The following ERC2 variants were observed in gnomAD, a reference collection of about 807,000 sequenced individuals.
ERC2 encodes ERC protein 2.
In ERC2, 42 loss-of-function variants were observed where a neutral mutation model predicts 114.8. The ratio of observed to expected loss-of-function variants is 0.37; its 90% confidence interval spans 0.29 to 0.47. The LOEUF is 0.47. Among genes scored for constraint, ERC2 ranks in the 20% least tolerant of loss-of-function variants. The pLI, the probability that ERC2 is intolerant of heterozygous loss-of-function variation, is 0.99. For missense variants in ERC2, 939 were observed against 1,150.7 expected (o/e 0.82, Z 2.66); for synonymous variants, 454 against 425.5 (o/e 1.07, Z -0.82).
intron 1 of ERC2, among the ~76,000 whole-genome samples, chr3:56,443,464 G>C (rs1198865469): frequency 6.6e-6 from 1 of 152,154 alleles, no homozygotes; most frequent in Non-Finnish European, 1.5e-5. Context: ...AGCACATAGA[G>C]TGATACCAAT....
intron 12 of ERC2, among the ~76,000 whole-genome samples, chr3:55,971,809 A>T (rs2069177994): frequency 6.6e-6 from 1 of 152,144 alleles, no homozygotes; most frequent in African/African-American, 2.4e-5. Context: ...TCATAGCCAA[A>T]ATCACCCTCC....
chr3:55,992,262 C>T lies in ERC2; in HGVS notation c.2062-12G>A, dbSNP rs2071131779. 1 of 1,606,872 alleles carries T rather than the reference C, an allele frequency of 6.2e-7. No homozygotes were observed. The highest frequency in any genetic ancestry group is 8.5e-7 in the Non-Finnish European group (1 of 1,175,974). ...TCAATATTATGTGCCTTCAACATTA[C>T]ATTTTTAAAGAATGTAGTTAAGACA... On this transcript the variant is annotated splice_polypyrimidine_tract_variant and intron_variant, in intron 10 of 17. Transcript: ENST00000288221.
chr3:56,225,033 T>C (rs2050160737), intron 3 of ERC2, among the ~76,000 whole-genome samples: 1 of 152,134 alleles, frequency 6.6e-6, no homozygotes, highest in Non-Finnish European at 1.5e-5. Context: ...CCTGTCCATG[T>C]GTCCTCGGGC....
chr3:56,438,162 T>A (rs2062113083), intron 1 of ERC2, among the ~76,000 whole-genome samples: 1 of 152,146 alleles, frequency 6.6e-6, no homozygotes, highest in Non-Finnish European at 1.5e-5. Context: ...CTTATCTGAG[T>A]TCCTTTCTAA....
intron 14 of ERC2, among the ~76,000 whole-genome samples, chr3:55,826,599 T>C (rs2060335011): frequency 6.6e-6 from 1 of 152,226 alleles, no homozygotes; most frequent in South Asian, 2.1e-4. Flanking sequence ...TTTCCATTCA[T>C]TGTTTACTGT....
intron 13 of ERC2, among the ~76,000 whole-genome samples, chr3:55,897,183 T>C (rs1029374933): frequency 2.0e-5 from 3 of 152,344 alleles, no homozygotes; most frequent in African/African-American, 7.2e-5. Context: ...TAACTAAATA[T>C]TTGAAAACCA....
At chr3:56,283,761 G>A (rs1416501919) in intron 3 of ERC2, among the ~76,000 whole-genome samples, 2 of 152,144 alleles carry the variant, frequency 1.3e-5, no homozygotes, top group African/African-American at 4.8e-5. Context: ...TTTTTTTAAG[G>A]AACTCTTTGG....
intron 3 of ERC2, among the ~76,000 whole-genome samples, chr3:56,190,592 T>C (rs2083924620): frequency 6.6e-6 from 1 of 152,058 alleles, no homozygotes; most frequent in Non-Finnish European, 1.5e-5. Flanking sequence ...CATGCCATCA[T>C]GCCCTGCTAA....
At chr3:56,243,295 G>A (rs950367209) in intron 3 of ERC2, among the ~76,000 whole-genome samples, 5 of 152,298 alleles carry the variant, frequency 3.3e-5, no homozygotes, top group Non-Finnish European at 7.4e-5. Context: ...CACCTTCAAG[G>A]AGCTGAGAGT....
intron 2 of ERC2, among the ~76,000 whole-genome samples, chr3:56,343,166 T>C (rs2058156916): frequency 8.8e-6 from 1 of 113,992 alleles, no homozygotes; most frequent in African/African-American, 3.3e-5. Flanking sequence ...TCTCTCTCTC[T>C]TTCTCTCTCT....
chr3:55,799,311 G>A (rs997030045), intron 14 of ERC2, among the ~76,000 whole-genome samples: 5 of 150,850 alleles, frequency 3.3e-5, no homozygotes, highest in African/African-American at 1.2e-4. Flanking sequence ...GAAACATTGT[G>A]TGTGTAGATT....
chr3:55,813,488 C>T (rs757995573), intron 14 of ERC2, among the ~76,000 whole-genome samples: 1 of 152,084 alleles, frequency 6.6e-6, no homozygotes, highest in Non-Finnish European at 1.5e-5. Flanking sequence ...TGGTTCTGTG[C>T]TCGTTCCCTT....
At chr3:55,956,394 C>A (rs2067956884) in intron 12 of ERC2, among the ~76,000 whole-genome samples, 2 of 152,040 alleles carry the variant, frequency 1.3e-5, no homozygotes, top group African/African-American at 4.8e-5. Context: ...ACATTGCATG[C>A]AGAATTTCCA....
At chr3:56,248,740 T>C (rs1295575048) in intron 3 of ERC2, among the ~76,000 whole-genome samples, 1 of 152,248 alleles carries the variant, frequency 6.6e-6, no homozygotes, top group Non-Finnish European at 1.5e-5. Flanking sequence ...GTATTAGTTA[T>C]AAACCCCTAA....
At chr3:56,106,839 T>G (rs906958802) in intron 6 of ERC2, among the ~76,000 whole-genome samples, 3 of 152,188 alleles carry the variant, frequency 2.0e-5, no homozygotes, top group Non-Finnish European at 4.4e-5. Flanking sequence ...GTGATTTATG[T>G]GATTCCTTGG....
At chr3:55,576,207 G>A (rs2056971892) in intron 17 of ERC2, among the ~76,000 whole-genome samples, 1 of 151,932 alleles carries the variant, frequency 6.6e-6, no homozygotes, top group South Asian at 2.1e-4. Flanking sequence ...TACTCAGGAG[G>A]CTGAGGCAGG....
At chr3:55,978,214 G>A (rs1011151579) in intron 12 of ERC2, among the ~76,000 whole-genome samples, 1 of 152,154 alleles carries the variant, frequency 6.6e-6, no homozygotes, top group African/African-American at 2.4e-5. Flanking sequence ...CAGAAAGGCA[G>A]TAGCTGAATC....
rs181129981 is a variant in ERC2 at position 56,222,726 on chromosome 3, T to C, written c.1075-49206A>G. Reference sequence around the variant, plus strand: ...AAATGCTCAACAAATATTGAATAGATGAATGAATGATAAACAAATGCTATA... The same window carrying C: ...AAATGCTCAACAAATATTGAATAGACGAATGAATGATAAACAAATGCTATA... On this transcript the variant is annotated intron_variant, in intron 3 of 17. Coordinates refer to ENST00000288221, the MANE Select transcript of ERC2 (RefSeq NM_015576.3). 8.5e-5 allele frequency among the ~76,000 whole-genome samples: 13 copies of C among 152,304 alleles called. No homozygotes were observed. In the East Asian group the frequency reaches 2.5e-3, roughly 29 times the overall value.
intron 17 of ERC2, among the ~76,000 whole-genome samples, chr3:55,557,394 C>A (rs1168717298): frequency 6.6e-6 from 1 of 152,218 alleles, no homozygotes; most frequent in Non-Finnish European, 1.5e-5. Flanking sequence ...TCTCAGGGAA[C>A]CTCAAATGTC....
Sources: gnomAD v4.1 joint callset for allele counts (sites outside exome capture counted in the v4.1 genomes callset) on GRCh38, gnomAD v4.1.1 for gene constraint, MANE v1.5 for transcripts, NCBI Gene and HGNC (gene_info 2026-07-23, HGNC 2026-07-21) for gene names.